SDK1: variants seen among roughly 807,000 people sequenced by gnomAD.
SDK1 encodes the protein sidekick cell adhesion molecule 1.
A neutral mutation model predicts 245.5 loss-of-function variants in SDK1; 157 were observed. The observed-to-expected ratio is 0.64, with a 90% CI of 0.56 to 0.73. The LOEUF (loss-of-function observed/expected upper bound fraction) is 0.73, where lower values mean the gene tolerates loss of function less well. Ranked by LOEUF, SDK1 falls within the 30% of genes least tolerant of loss-of-function variation. SDK1 has a pLI of 0.00. For synonymous variants in SDK1, 1,647 were observed against 1,278.5 expected (o/e 1.29, Z -6.15); for missense variants, 3,583 against 3,002.3 (o/e 1.19, Z -4.52).
chr7:3,543,706 A>C (rs951223147), intron 1 of SDK1, among the ~76,000 whole-genome samples: 1 of 152,240 alleles, frequency 6.6e-6, no homozygotes, highest in Non-Finnish European at 1.5e-5. Context: ...TCATAGACAC[A>C]GGCAGGAGTT....
At chr7:3,533,740 T>G (rs1778779652) in intron 1 of SDK1, among the ~76,000 whole-genome samples, 1 of 152,178 alleles carries the variant, frequency 6.6e-6, no homozygotes, top group Non-Finnish European at 1.5e-5. Context: ...TCTTCCTGTT[T>G]TCATCTATTT....
At chr7:4,014,446 A>G (rs1437964282) in intron 16 of SDK1, among the ~76,000 whole-genome samples, 2 of 152,182 alleles carry the variant, frequency 1.3e-5, no homozygotes, top group East Asian at 3.9e-4. Flanking sequence ...TTCAGAAATG[A>G]AAGAGCCATG....
rs139670146 is a variant in SDK1, at chr7:3,743,523, A to G, written c.714-77927A>G. ...TGAGAAAATAAGAGTCTCTAACAAA[A>G]TGCACTTATACCCTCCAGACCTGTC... On this transcript the variant is annotated intron_variant, in intron 4 of 44. Coordinates refer to ENST00000404826, the MANE Select transcript of SDK1 (RefSeq NM_152744.4). 1.9e-3 allele frequency among the ~76,000 whole-genome samples: 292 copies of G among 152,306 alleles called. 2 individuals are homozygous for G. The highest frequency in any genetic ancestry group is 6.7e-3 in the African/African-American group (278 of 41,560).
intron 22 of SDK1, among the ~76,000 whole-genome samples, chr7:4,103,926 C>T (rs557632841): frequency 6.6e-6 from 1 of 152,382 alleles, no homozygotes; most frequent in Non-Finnish European, 1.5e-5. Flanking sequence ...AGTTCGGCTG[C>T]AAAAGCATGA....
chr7:3,375,835 A>C (rs1781342584), intron 1 of SDK1, among the ~76,000 whole-genome samples: 1 of 152,224 alleles, frequency 6.6e-6, no homozygotes, highest in Non-Finnish European at 1.5e-5. Flanking sequence ...CCAGAGCCAC[A>C]GAACTAAGCT....
rs183442354 is a variant in SDK1, at chr7:4,160,038, T to G, written c.4729+1487T>G. ...AGGTTACATGCAAATACTGCACCAC[T>G]TTATTGTTAGCAAACCTGGAGGCAA... On this transcript the variant is annotated intron_variant, in intron 31 of 44. Transcript: ENST00000404826. Among the ~76,000 whole-genome samples the G allele has an allele frequency of 1.1e-3, 163 of 152,338 alleles. 1 individual carries two copies. The highest frequency in any genetic ancestry group is 3.3e-3 in the African/African-American group (137 of 41,580).
intron 4 of SDK1, among the ~76,000 whole-genome samples, chr7:3,650,447 A>C (rs1470267836): frequency 6.6e-6 from 1 of 152,224 alleles, no homozygotes; most frequent in Non-Finnish European, 1.5e-5. Context: ...GAATGGAATC[A>C]TATGGCATTT....
chr7:3,990,280 C>G (rs1056480436), intron 14 of SDK1, among the ~76,000 whole-genome samples: 3 of 152,220 alleles, frequency 2.0e-5, no homozygotes, highest in African/African-American at 7.2e-5. Flanking sequence ...CCCTTCTCCC[C>G]CTTGCAGGGG....
rs569495429 is a variant in SDK1 at position 3,873,287 on chromosome 7, C to T, written c.847+51704C>T. Among the ~76,000 whole-genome samples, 137 of 152,216 alleles carry T rather than the reference C, an allele frequency of 9.0e-4. 2 individuals are homozygous for T. The Middle Eastern group carries it at 0.017, about 19-fold the overall frequency. On this transcript the variant is annotated intron_variant, in intron 5 of 44. Coordinates refer to ENST00000404826, the MANE Select transcript of SDK1 (RefSeq NM_152744.4). ...CACTGTTTTCTTGTTTGCATGAGTT[C>T]TGCCAAGAAGTCTGCTATATTTCTT...
chr7:3,430,441 T>C (rs917781535), intron 1 of SDK1, among the ~76,000 whole-genome samples: 3 of 152,220 alleles, frequency 2.0e-5, no homozygotes, highest in Admixed American at 6.5e-5. Flanking sequence ...CACTAGATAC[T>C]ACTCAGAAGC....
At chr7:3,622,602 C>A (rs531243542) in intron 2 of SDK1, among the ~76,000 whole-genome samples, 4 of 152,292 alleles carry the variant, frequency 2.6e-5, no homozygotes, top group African/African-American at 9.6e-5. Context: ...CTTAAAACTG[C>A]AGGAAGAGGT....
intron 5 of SDK1, among the ~76,000 whole-genome samples, chr7:3,884,404 G>C (rs1225593007): frequency 6.6e-6 from 1 of 152,124 alleles, no homozygotes; most frequent in East Asian, 1.9e-4. Flanking sequence ...GTGCTTTGTT[G>C]TTTGATACTG....
At chr7:3,636,051 A>T (rs903928668) in intron 2 of SDK1, among the ~76,000 whole-genome samples, 2 of 152,092 alleles carry the variant, frequency 1.3e-5, no homozygotes, top group African/African-American at 4.8e-5. Flanking sequence ...ATTCATTTTT[A>T]TTTTTTAATA....
intron 1 of SDK1, among the ~76,000 whole-genome samples, chr7:3,572,896 G>C (rs1780160298): frequency 6.6e-6 from 1 of 152,012 alleles, no homozygotes; most frequent in South Asian, 2.1e-4. Flanking sequence ...AATTCCATTG[G>C]AAGACATGTT....
intron 4 of SDK1, among the ~76,000 whole-genome samples, chr7:3,762,167 C>T (rs1427508054): frequency 6.6e-6 from 1 of 152,322 alleles, no homozygotes; most frequent in Non-Finnish European, 1.5e-5. Flanking sequence ...TCTAAATACT[C>T]CTACAACAAT....
chr7:3,529,356 C>T (rs141967354), intron 1 of SDK1, among the ~76,000 whole-genome samples: 1 of 152,082 alleles, frequency 6.6e-6, no homozygotes, highest in South Asian at 2.1e-4. Context: ...ATAGTTAATT[C>T]CAGGATAAGT....
At chr7:3,521,077 C>G (rs1349703288) in intron 1 of SDK1, among the ~76,000 whole-genome samples, 1 of 152,106 alleles carries the variant, frequency 6.6e-6, no homozygotes, top group Non-Finnish European at 1.5e-5. Context: ...TGCCTGAGTT[C>G]AGTTTCTTTG....
At chr7:3,926,695 C>T (rs1289473514) in intron 5 of SDK1, among the ~76,000 whole-genome samples, 2 of 152,168 alleles carry the variant, frequency 1.3e-5, no homozygotes, top group South Asian at 2.1e-4. Flanking sequence ...ATTTTAGACT[C>T]ATCCCTTAAA....
intron 35 of SDK1, among the ~76,000 whole-genome samples, chr7:4,187,046 G>A (rs1782937445): frequency 6.6e-6 from 1 of 152,146 alleles, no homozygotes; most frequent in African/African-American, 2.4e-5. Flanking sequence ...GTGGGGCTTG[G>A]GACCCATCTT....
Sources: allele counts gnomAD v4.1 joint callset (sites outside exome capture counted in the v4.1 genomes callset), GRCh38; gene constraint gnomAD v4.1.1; transcripts MANE v1.5; gene names NCBI Gene and HGNC (gene_info 2026-07-23, HGNC 2026-07-21).